ERICH3: variants seen among roughly 807,000 people sequenced by gnomAD.
ERICH3 encodes the protein glutamate rich 3, also known as glutamate-rich protein 3.
A neutral mutation model predicts 131.1 loss-of-function variants in ERICH3; 126 were observed. The ratio of observed to expected loss-of-function variants is 0.96; its 90% CI spans 0.83 to 1.11. The LOEUF is 1.11. Among genes scored for constraint, ERICH3 ranks in the 50% most tolerant of loss-of-function variants. ERICH3 has a pLI of 0.00. For missense variants in ERICH3, 2,050 were observed against 1,810.7 expected (o/e 1.13, Z -2.40); for synonymous variants, 695 against 644.6 (o/e 1.08, Z -1.18).
intron 1 of ERICH3, among the ~76,000 whole-genome samples, chr1:74,671,884 A>T (rs1457144132): frequency 6.6e-6 from 1 of 152,186 alleles, no homozygotes; most frequent in South Asian, 2.1e-4. Flanking sequence ...AAATTAATAC[A>T]ATATGGTGCC....
At chr1:74,642,624 T>TATATTTC (rs1646446592) in intron 4 of ERICH3, among the ~76,000 whole-genome samples, 2 of 152,136 alleles carry the variant, frequency 1.3e-5, no homozygotes, top group Non-Finnish European at 2.9e-5. Flanking sequence ...TTTCCAAGGG[T>TATATTTC]CACATTCAAA....
intron 1 of ERICH3, 137 bp downstream of exon 1, chr1:74,673,360 C>T: frequency 1.1e-6 from 1 of 933,916 alleles, no homozygotes; most frequent in Non-Finnish European, 1.6e-6. Flanking sequence ...ACCCAGAATT[C>T]GTATATATTT....
Position 74,673,761 on chromosome 1 carries a change from C to G in ERICH3, c.-242G>C. On this transcript the variant is annotated 5_prime_UTR_variant, in exon 1 of 15. Transcript: ENST00000326665. Reference sequence around the variant, plus strand: ...GTTGCTAAGGGAGGAGAGAGGCAAGCGCCCAGGGTCTGGAGAAGCGGAGGC... The same window carrying G: ...GTTGCTAAGGGAGGAGAGAGGCAAGGGCCCAGGGTCTGGAGAAGCGGAGGC... 2.5e-6 allele frequency: 1 copy of G among 398,016 alleles called. No individual in the cohort carries two copies. Among genetic ancestry groups the G allele is most frequent in the Non-Finnish European group, 4.4e-6 (1 of 227,706 alleles). The allele number at this position is 398,016 out of a possible 1,614,324, so 24.7% of individuals were successfully genotyped here.
chr1:74,664,662 T>A (rs1045511019), intron 1 of ERICH3, among the ~76,000 whole-genome samples: 2 of 152,196 alleles, frequency 1.3e-5, no homozygotes, highest in Non-Finnish European at 2.9e-5. Flanking sequence ...CTTTCCTTGC[T>A]TCAATATTTT....
At chr1:74,617,821 G>A (rs935133754) in intron 8 of ERICH3, among the ~76,000 whole-genome samples, 3 of 152,106 alleles carry the variant, frequency 2.0e-5, no homozygotes, top group Non-Finnish European at 2.9e-5. Flanking sequence ...TGCTTACAAT[G>A]AATAAATTTT....
intron 11 of ERICH3, among the ~76,000 whole-genome samples, chr1:74,598,000 C>T (rs371403872): frequency 5.9e-5 from 9 of 151,928 alleles, no homozygotes; most frequent in African/African-American, 1.7e-4. Flanking sequence ...ACTGGTGTTT[C>T]GATCCTCTCC....
At position 74,572,301 on chromosome 1, in the gene ERICH3, A is replaced by G; in HGVS notation, c.3409T>C (p.Leu1137=). Reference sequence around the variant, plus strand: ...CCTAGAAGCCCTGGATTGTCAGACAACTCAGAAGCCTCCACAGGTGCTTCG... The same window carrying G: ...CCTAGAAGCCCTGGATTGTCAGACAGCTCAGAAGCCTCCACAGGTGCTTCG... The part of the protein sequence containing the change: ...ENEAPVEASE[L]SDNPGLLGED... Residue 1137 remains leucine (L), a synonymous_variant, in exon 14 of 15, where the codon TTG becomes CTG. Transcript: ENST00000326665. 2 of 1,613,798 alleles carry G rather than the reference A, an allele frequency of 1.2e-6. No individual in the cohort carries two copies. The highest frequency in any genetic ancestry group is 8.5e-7 in the Non-Finnish European group (1 of 1,179,946).
intron 2 of ERICH3, 82 bp downstream of exon 2, chr1:74,649,140 C>T (rs1028080473): frequency 2.1e-6 from 2 of 942,584 alleles, no homozygotes. Flanking sequence ...GAAGATGTCA[C>T]TCAAAGAGAA....
chr1:74,594,914 AG>A (rs1344983274), intron 11 of ERICH3, among the ~76,000 whole-genome samples: 1 of 152,162 alleles, frequency 6.6e-6, no homozygotes, highest in Non-Finnish European at 1.5e-5. Context: ...AAGCACCTAC[AG>A]AAATTGCAGT....
chr1:74,612,172 G>A (rs1306018598), intron 9 of ERICH3, among the ~76,000 whole-genome samples: 5 of 152,130 alleles, frequency 3.3e-5, no homozygotes, highest in Non-Finnish European at 7.4e-5. Context: ...AGTAATGCAG[G>A]CAAACCTAAC....
chr1:74,600,090 C>T (rs1378451714), intron 10 of ERICH3, among the ~76,000 whole-genome samples, 159 bp from the exon 11 acceptor site: 1 of 151,782 alleles, frequency 6.6e-6, no homozygotes, highest in Non-Finnish European at 1.5e-5. Flanking sequence ...AAACTAACAG[C>T]AAATGATCAA....
At chr1:74,637,385 T>C (rs976490397) in intron 5 of ERICH3, among the ~76,000 whole-genome samples, 2 of 152,114 alleles carry the variant, frequency 1.3e-5, no homozygotes, top group African/African-American at 4.8e-5. Flanking sequence ...GCTCCTGATA[T>C]GCTGACCCTA....
At chr1:74,588,779 G>A (rs1414599787) in intron 12 of ERICH3, among the ~76,000 whole-genome samples, 1 of 152,018 alleles carries the variant, frequency 6.6e-6, no homozygotes, top group African/African-American at 2.4e-5. Context: ...TCCTCAACTT[G>A]AGAAAAGCAT....
At chr1:74,617,754 T>G (rs956999589) in intron 8 of ERICH3, among the ~76,000 whole-genome samples, 4 of 152,218 alleles carry the variant, frequency 2.6e-5, no homozygotes, top group African/African-American at 4.8e-5. Flanking sequence ...GTCCTACACC[T>G]AGTCTGTGAT....
At chr1:74,616,644 C>T (rs1648979809) in intron 8 of ERICH3, among the ~76,000 whole-genome samples, 1 of 152,024 alleles carries the variant, frequency 6.6e-6, no homozygotes, top group South Asian at 2.1e-4. Context: ...AATTCATGAC[C>T]ACCCAGAACC....
Position 74,581,804 on chromosome 1 carries a change from T to G in ERICH3, c.2177-4868A>C, listed in dbSNP as rs542882240. Among the ~76,000 whole-genome samples the G allele has an allele frequency of 7.9e-5, 12 of 152,344 alleles. No individual in the cohort carries two copies. In the East Asian group the frequency reaches 2.1e-3, roughly 27 times the overall value. On this transcript the variant is annotated intron_variant, in intron 12 of 14. Coordinates refer to ENST00000326665, the MANE Select transcript of ERICH3 (RefSeq NM_001002912.5). Reference sequence around the variant, plus strand: ...TTGTATTTTCCACTAAGAGAGTGGATAGCTTCTTGAATGCTCTTAAATCCC... The same window carrying G: ...TTGTATTTTCCACTAAGAGAGTGGAGAGCTTCTTGAATGCTCTTAAATCCC...
At position 74,571,639 on chromosome 1, in the gene ERICH3, C is replaced by T. The variant is rs780461996; in HGVS notation, c.4071G>A (p.Arg1357=). The part of the protein sequence containing the change: ...GETAETAAEE[R]EVLAGSETAE... Reference sequence around the variant, plus strand: ...CTGTCTCCGAACCTGCCAACACCTCCCTCTCCTCTGCGGCTGTTTCTGCCG... The same window carrying T: ...CTGTCTCCGAACCTGCCAACACCTCTCTCTCCTCTGCGGCTGTTTCTGCCG... The change falls in exon 14 of 15, where the codon AGG becomes AGA. Residue 1357 remains arginine (R), a synonymous_variant. Transcript: ENST00000326665. 4.3e-6 allele frequency: 7 copies of T among 1,614,074 alleles called. No homozygotes were observed. The Admixed American group carries it at 5.0e-5, about 12-fold the overall frequency.
intron 11 of ERICH3, among the ~76,000 whole-genome samples, chr1:74,592,611 G>A (rs2100566187): frequency 6.6e-6 from 1 of 152,178 alleles, no homozygotes; most frequent in East Asian, 1.9e-4. Flanking sequence ...CCTTTCTTTA[G>A]CAGCTTCCAT....
chr1:74,645,892 A>G lies in ERICH3; in HGVS notation c.243+775T>C, dbSNP rs375078080. On this transcript the variant is annotated intron_variant, in intron 3 of 14. Transcript: ENST00000326665. ...CTGATGATTCTACAGTTGTTCATAA[A>G]TGTTTACTGCACTCACAGGTCAATG... is the stretch of plus-strand genomic sequence containing the variant. 2.0e-4 allele frequency among the ~76,000 whole-genome samples: 31 copies of G among 152,184 alleles called. No homozygotes were observed. In the East Asian group the frequency reaches 3.1e-3, roughly 15 times the overall value.
Sources: allele counts gnomAD v4.1 joint callset (sites outside exome capture counted in the v4.1 genomes callset), GRCh38; gene constraint gnomAD v4.1.1; transcripts MANE v1.5; gene names NCBI Gene and HGNC (gene_info 2026-07-23, HGNC 2026-07-21).